PHACTR3: variants seen among roughly 807,000 people sequenced by gnomAD.
PHACTR3 encodes the protein protein phosphatase 1, regulatory subunit 123.
PHACTR3 carries 16 observed loss-of-function variants against 66.8 expected under a neutral mutation model. The ratio of observed to expected loss-of-function variants is 0.24; its 90% CI spans 0.16 to 0.36. PHACTR3 has a LOEUF of 0.36. Among genes scored for constraint, PHACTR3 ranks in the 10% least tolerant of loss-of-function variants. The pLI, the probability that PHACTR3 is intolerant of heterozygous loss-of-function variation, is 1.00. For synonymous variants in PHACTR3, 323 were observed against 292.1 expected, an observed-to-expected ratio of 1.11 and a Z score of -1.08; for missense variants, 647 against 719.9, an observed-to-expected ratio of 0.90 and a Z score of 1.16.
intron 7 of PHACTR3, among the ~76,000 whole-genome samples, chr20:59,805,743 T>G (rs1379161456): frequency 1.3e-5 from 2 of 152,198 alleles, no homozygotes; most frequent in African/African-American, 4.8e-5. Flanking sequence ...AAGAAAAATG[T>G]AGGTGCTATT....
At chr20:59,718,343 C>T (rs986301300) in intron 1 of PHACTR3, among the ~76,000 whole-genome samples, 2 of 152,156 alleles carry the variant, frequency 1.3e-5, no homozygotes, top group Non-Finnish European at 2.9e-5. Context: ...CCATCATTTC[C>T]ATCTGGTCCT....
intron 7 of PHACTR3, among the ~76,000 whole-genome samples, chr20:59,776,776 GAC>G (rs1231267757): frequency 2.0e-5 from 3 of 152,226 alleles, no homozygotes; most frequent in African/African-American, 7.2e-5. Context: ...GCGTGGTTGA[GAC>G]ACAGAGTTTC....
chr20:59,790,052 T>C (rs1310742728), intron 7 of PHACTR3, among the ~76,000 whole-genome samples: 1 of 152,270 alleles, frequency 6.6e-6, no homozygotes, highest in Non-Finnish European at 1.5e-5. Flanking sequence ...TATCTCATCA[T>C]GAGTTTATTT....
chr20:59,679,944 G>A (rs904880556), intron 1 of PHACTR3, among the ~76,000 whole-genome samples: 6 of 151,866 alleles, frequency 4.0e-5, no homozygotes, highest in African/African-American at 1.5e-4. Flanking sequence ...CAGCCAAACT[G>A]TATCAGGCAC....
intron 1 of PHACTR3, among the ~76,000 whole-genome samples, chr20:59,689,575 G>A (rs2037028324): frequency 6.6e-6 from 1 of 152,122 alleles, no homozygotes; most frequent in African/African-American, 2.4e-5. Context: ...GATGTTGTGT[G>A]GATTCTCCTG....
At chr20:59,719,924 C>T (rs531873523) in intron 1 of PHACTR3, among the ~76,000 whole-genome samples, 18 of 152,302 alleles carry the variant, frequency 1.2e-4, no homozygotes, top group Non-Finnish European at 2.5e-4. Context: ...TTCTGAAGCC[C>T]AGGCTTTCTC....
intron 1 of PHACTR3, among the ~76,000 whole-genome samples, chr20:59,677,281 G>A (rs2036481985): frequency 6.6e-6 from 1 of 152,144 alleles, no homozygotes; most frequent in Non-Finnish European, 1.5e-5. Context: ...TTTAGTGTCA[G>A]GAACATATGC....
Position 59,847,628 on chromosome 20 carries a change from G to A in PHACTR3, c.*498G>A, listed in dbSNP as rs1394081123. 6.6e-6 allele frequency: 1 copy of A among 152,602 alleles called. No individual in the cohort carries two copies. Among genetic ancestry groups the A allele is most frequent in the African/African-American group, 2.4e-5 (1 of 41,430 alleles). The allele number at this position is 152,602 out of a possible 1,614,324, so 9.5% of individuals were successfully genotyped here. A position where few individuals can be genotyped will look rare whatever the true frequency, so the allele number is the denominator to read the frequency against. The stretch of plus-strand genomic sequence containing the variant: ...TTATACTTTTCCTTTTTTATATAAT[G>A]TCTAACAAAAAATACAGCTGCAACA... On this transcript the variant is annotated 3_prime_UTR_variant, in exon 13 of 13. Transcript: ENST00000371015.
rs1241996604 is a variant in PHACTR3, at chr20:59,829,117, T to C, written c.1329-7388T>C. Among the ~76,000 whole-genome samples the C allele has an allele frequency of 6.6e-6, 1 of 151,854 alleles. No individual in the cohort carries two copies. The highest frequency in any genetic ancestry group is 2.4e-5 in the African/African-American group (1 of 41,304). On this transcript the variant is annotated intron_variant, in intron 8 of 12. Coordinates refer to ENST00000371015, the MANE Select transcript of PHACTR3 (RefSeq NM_080672.5). This position sits in a 1 kb window ranked among gnomAD's most constrained non-coding sequence, Gnocchi z 4.2. ...CAGGATGCTGGGCACGGAGCAGGTG[T>C]GAGGAGGTGGGGAACAGGGTGTGAA...
chr20:59,819,989 C>T (rs1167072754), intron 8 of PHACTR3, among the ~76,000 whole-genome samples: 2 of 152,232 alleles, frequency 1.3e-5, no homozygotes, highest in South Asian at 4.1e-4. Context: ...TTTTTTGATG[C>T]TGCAGATTTA....
intron 1 of PHACTR3, among the ~76,000 whole-genome samples, chr20:59,688,446 A>G (rs559029726): frequency 5.5e-4 from 83 of 152,272 alleles, no homozygotes; most frequent in African/African-American, 1.9e-3. Context: ...CCACAGGACT[A>G]TATTGTTAGT....
chr20:59,749,796 T>C (rs1026798554), intron 3 of PHACTR3, among the ~76,000 whole-genome samples: 40 of 152,230 alleles, frequency 2.6e-4, no homozygotes, highest in Admixed American at 5.2e-4. Flanking sequence ...TATATAATTT[T>C]CATGTGCCAC....
At chr20:59,728,942 G>A (rs981990316) in intron 1 of PHACTR3, among the ~76,000 whole-genome samples, 1 of 152,270 alleles carries the variant, frequency 6.6e-6, no homozygotes, top group Admixed American at 6.5e-5. Context: ...TGTTTGCAAT[G>A]AAACCCAAGT....
At chr20:59,632,629 C>T (rs529091182) in intron 1 of PHACTR3, among the ~76,000 whole-genome samples, 6 of 152,190 alleles carry the variant, frequency 3.9e-5, no homozygotes, top group Non-Finnish European at 8.8e-5. Context: ...AGCTGGCGCA[C>T]CCCCGGGCTT....
At chr20:59,630,892 G>A (rs1024577557) in intron 1 of PHACTR3, among the ~76,000 whole-genome samples, 7 of 152,096 alleles carry the variant, frequency 4.6e-5, no homozygotes, top group Middle Eastern at 3.2e-3. Context: ...TAGGGGATTC[G>A]AGGAGGAAAG....
At chr20:59,639,578 G>A (rs1425259270) in intron 1 of PHACTR3, among the ~76,000 whole-genome samples, 2 of 152,176 alleles carry the variant, frequency 1.3e-5, no homozygotes, top group Non-Finnish European at 2.9e-5. Context: ...ACTTTGAGGA[G>A]TGTTTTGGGA....
Position 59,843,409 on chromosome 20 carries a change from G to A in PHACTR3, c.1588-1780G>A, listed in dbSNP as rs951460208. 4.6e-5 allele frequency: 7 copies of A among 152,122 alleles called. No homozygotes were observed. The South Asian group carries it at 8.3e-4, about 18-fold the overall frequency. The allele number at this position is 152,122 out of a possible 1,614,324, so 9.4% of individuals were successfully genotyped here. A position where few individuals can be genotyped will look rare whatever the true frequency, so the allele number is the denominator to read the frequency against. On this transcript the variant is annotated intron_variant, in intron 11 of 12. Transcript: ENST00000371015. ...TAGCCAAAGTAATCCTTAGCAAAAA[G>A]AACAAAGCTGGAGGCATCACACTAA...
intron 11 of PHACTR3, 33 bp from the exon 12 acceptor site, chr20:59,845,156 C>G: frequency 7.6e-7 from 1 of 1,324,024 alleles, no homozygotes; most frequent in Non-Finnish European, 1.1e-6. Context: ...TTTTTAATAT[C>G]CTGTAAAACA....
At chr20:59,621,943 C>G (rs2034254424) in intron 1 of PHACTR3, among the ~76,000 whole-genome samples, 1 of 152,214 alleles carries the variant, frequency 6.6e-6, no homozygotes, top group Admixed American at 6.5e-5. Flanking sequence ...ACAAGCAGAT[C>G]TTTTAAGGTC....
Sources: gnomAD v4.1 joint callset for allele counts (sites outside exome capture counted in the v4.1 genomes callset) on GRCh38, gnomAD v4.1.1 for gene constraint, Gnocchi (gnomAD v3.1) non-coding constraint, MANE v1.5 for transcripts, NCBI Gene and HGNC (gene_info 2026-07-23, HGNC 2026-07-21) for gene names.